Variants in CELSR3 observed in about 807,000 individuals in gnomAD.
CELSR3 encodes EGF-like protein 1.
Under a neutral mutation model 270.0 loss-of-function variants are expected in CELSR3, and 73 were observed. The observed-to-expected ratio is 0.27, with a 90% CI of 0.22 to 0.33. CELSR3 has a LOEUF of 0.33. Ranked by LOEUF, CELSR3 falls within the 10% of genes least tolerant of loss-of-function variation. The probability of loss-of-function intolerance (pLI) is 1.00; values close to 1 mark genes in which losing one functional copy is unlikely to be tolerated. For synonymous variants in CELSR3, 1,780 were observed against 1,905.4 expected, an observed-to-expected ratio of 0.93 and a Z score of 1.71; for missense variants, 3,614 against 4,533.8, an observed-to-expected ratio of 0.80 and a Z score of 5.83.
intron 34 of CELSR3, 26 bp from the exon 35 acceptor site, chr3:48,638,258 G>A: frequency 6.2e-7 from 1 of 1,603,572 alleles, no homozygotes; most frequent in Non-Finnish European, 8.5e-7. Context: ...GAAATCAGAG[G>A]TTGATGCCCA....
Position 48,643,081 on chromosome 3 carries a change from G to A in CELSR3, c.8292C>T (p.Gly2764=). ...YLHAGLCGLQ[G]LAVLLLFCVL... ...CACAGAAGAGCAGCAGCACCGCCAG[G>A]CCCTGTGGGTCAGCGAGGGTCAAAG... Residue 2764 remains glycine, a splice_region_variant and synonymous_variant, in exon 29 of 35, where the codon GGC becomes GGT. Transcript: ENST00000164024. The A allele has an allele frequency of 6.2e-7, 1 of 1,607,552 alleles. No individual in the cohort carries two copies. The highest frequency in any genetic ancestry group is 2.2e-5 in the East Asian group (1 of 44,850).
Position 48,659,167 on chromosome 3 carries a change from G to A in CELSR3, c.3468C>T (p.His1156=), listed in dbSNP as rs1029732820. ...SAPLVSRATV[H]VRLVDQNDNS... ...TGTCATTCTGGTCAACCAGGCGGAC[G>A]TGCACAGTGGCCCGGCTGACCAAAG... Residue 1156 remains histidine (H), a synonymous_variant, in exon 1 of 35, where the codon CAC becomes CAT. Transcript: ENST00000164024. This position sits in a 1 kb window ranked among gnomAD's most constrained non-coding sequence, Gnocchi z 8.1. 5.6e-6 allele frequency: 9 copies of A among 1,614,110 alleles called. No homozygotes were observed. The highest frequency in any genetic ancestry group is 1.6e-4 in the Middle Eastern group (1 of 6,084).
At position 48,639,783 on chromosome 3, in the gene CELSR3, A is replaced by G; in HGVS notation, c.9802T>C (p.Leu3268=). The change falls in exon 34 of 35, where the codon TTG becomes CTG. Residue 3268 remains leucine, a synonymous_variant. Coordinates refer to ENST00000164024, the MANE Select transcript of CELSR3 (RefSeq NM_001407.3). The surrounding 1 kb of genome is among the most constrained non-coding windows in gnomAD (Gnocchi z 4.1). ...LSSVQSSSTP[L]GPHTTATPSA... is the part of the protein sequence containing the mutation. ...GGTGTGGCAGTGGTGTGAGGGCCCA[A>G]GGGTGTGCTTGAAGATTGCACAGAG... 6.2e-7 allele frequency: 1 copy of G among 1,613,812 alleles called. No individual in the cohort carries two copies. Among genetic ancestry groups the G allele is most frequent in the African/African-American group, 1.3e-5 (1 of 75,034 alleles).
chr3:48,643,409 G>A (rs1386485015), intron 28 of CELSR3, 145 bp downstream of exon 28: 5 of 1,145,030 alleles, frequency 4.4e-6, no homozygotes, highest in African/African-American at 1.6e-5. Flanking sequence ...GCTAGGGCCA[G>A]TGTCTGGTCT....
rs769634502 is a variant in CELSR3, at chr3:48,645,811, C to G, written c.7521G>C (p.Gly2507=). ...GGCTGCAGCGACACCGTGCGTGGGA[C>G]CCATTCCTGTGCACCAGCTCGCAGT... is the stretch of plus-strand genomic sequence containing the variant. ...ARDCELVHRN[G]SHARCRCSRT... Residue 2507 remains glycine (G), a synonymous_variant, in exon 23 of 35, where the codon GGG becomes GGC. Coordinates refer to ENST00000164024, the MANE Select transcript of CELSR3 (RefSeq NM_001407.3). This position sits in a 1 kb window ranked among gnomAD's most constrained non-coding sequence, Gnocchi z 5.4. 3 of 1,611,528 alleles carry G rather than the reference C, an allele frequency of 1.9e-6. No homozygotes were observed. The African/African-American group carries it at 4.0e-5, about 22-fold the overall frequency.
rs1335070542 is a variant in CELSR3 at position 48,655,598 on chromosome 3, GC to G, written c.4741+137del. On this transcript the variant is annotated intron_variant, in intron 4 of 34. Transcript: ENST00000164024. This position sits in a 1 kb window ranked among gnomAD's most constrained non-coding sequence, Gnocchi z 5.8. Reference sequence around the variant, plus strand: ...GGGAGGGACCTTCCCACAGGGAATGGCCAAGGAGCTAGGTCTTCAGGGCTTG... The same window carrying G: ...GGGAGGGACCTTCCCACAGGGAATGGCAAGGAGCTAGGTCTTCAGGGCTTG... 286 of 896,104 alleles carry G rather than the reference GC, an allele frequency of 3.2e-4. No homozygotes were observed. Among genetic ancestry groups the G allele is most frequent in the Non-Finnish European group, 4.8e-4 (265 of 555,070 alleles). The allele number at this position is 896,104 out of a possible 1,614,324, so 55.5% of individuals were successfully genotyped here. A position where few individuals can be genotyped will look rare whatever the true frequency, so the allele number is the denominator to read the frequency against.
At position 48,645,690 on chromosome 3, in the gene CELSR3, C is replaced by A. The variant is rs555153123; in HGVS notation, c.7591-41G>T. Reference sequence around the variant, plus strand: ...TGGTTGATGGGTTGTTGGGCAGAATCCCCGTGTCCCTTTGACCCCCCACTT... The same window carrying A: ...TGGTTGATGGGTTGTTGGGCAGAATACCCGTGTCCCTTTGACCCCCCACTT... On this transcript the variant is annotated intron_variant, in intron 23 of 34. Coordinates refer to ENST00000164024, the MANE Select transcript of CELSR3 (RefSeq NM_001407.3). The surrounding 1 kb of genome is among the most constrained non-coding windows in gnomAD (Gnocchi z 5.4). The A allele has an allele frequency of 1.2e-6, 2 of 1,600,342 alleles. No individual in the cohort carries two copies. Among genetic ancestry groups the A allele is most frequent in the South Asian group, 1.1e-5 (1 of 90,558 alleles).
rs1389613370 is a variant in CELSR3, at chr3:48,640,558, G to T, written c.9027C>A (p.Gly3009=). The change falls in exon 34 of 35, where the codon GGC becomes GGA. Residue 3009 remains glycine, a splice_region_variant and synonymous_variant. Transcript: ENST00000164024. The surrounding 1 kb of genome is among the most constrained non-coding windows in gnomAD (Gnocchi z 7.5). ...GGTATTGCAACCGGTTCTTCAGGAT[G>T]CCTGTGAGAGGAAGAAAATGGGGGG... is the stretch of plus-strand genomic sequence containing the variant. ...SLGRAQRQRK[G]ILKNRLQYPL... The T allele has an allele frequency of 4.5e-6, 7 of 1,569,438 alleles. No individual in the cohort carries two copies. The highest frequency in any genetic ancestry group is 2.7e-5 in the African/African-American group (2 of 73,642).
At position 48,662,249 on chromosome 3, in the gene CELSR3, G is replaced by A; in HGVS notation, c.386C>T (p.Pro129Leu). The change falls in exon 1 of 35, where the codon CCA (proline) becomes CTA (leucine). Residue 129 changes from proline to leucine, a missense_variant. Pro to Leu is a moderately conservative substitution (Grantham distance 98, BLOSUM62 -3). Coordinates refer to ENST00000164024, the MANE Select transcript of CELSR3 (RefSeq NM_001407.3). The surrounding 1 kb of genome is among the most constrained non-coding windows in gnomAD (Gnocchi z 7.1). ...GSRERETGQG[P>L]GSVLYWRPEV... ...TGGGCGCCAGTATAACACAGACCCT[G>A]GTCCCTGTCCTGTCTCTCGTTCGCG... 1 of 1,613,122 alleles carries A rather than the reference G, an allele frequency of 6.2e-7. No homozygotes were observed.
Position 48,651,807 on chromosome 3 carries a change from T to TC in CELSR3, c.5923+69dup. 6.5e-7 allele frequency: 1 copy of TC among 1,543,794 alleles called. No individual in the cohort carries two copies. The highest frequency in any genetic ancestry group is 2.1e-5 in the Admixed American group (1 of 48,298). On this transcript the variant is annotated intron_variant, in intron 12 of 34. Transcript: ENST00000164024. This position sits in a 1 kb window ranked among gnomAD's most constrained non-coding sequence, Gnocchi z 7.4. ...TCCCGAGTCCCTGCCTCCTTCAGGTTCCCCAGTCTTCATCATGGGCCCCTA... is the reference window on the plus strand; with the variant it reads ...TCCCGAGTCCCTGCCTCCTTCAGGTTCCCCCAGTCTTCATCATGGGCCCCTA...
rs1422853760 is a variant in CELSR3, at chr3:48,644,209, A to G, written c.8165+7T>C. The G allele has an allele frequency of 6.2e-7, 1 of 1,602,818 alleles. No individual in the cohort carries two copies. The highest frequency in any genetic ancestry group is 1.7e-5 in the Admixed American group (1 of 59,720). On this transcript the variant is annotated splice_region_variant and intron_variant, in intron 27 of 34. Transcript: ENST00000164024. The surrounding 1 kb of genome is among the most constrained non-coding windows in gnomAD (Gnocchi z 4.8). ...AGAAGCCCCCTTCCTCCAGCCAGCCAACTCACAGTGCAGAGGTCTTCTTGG... is the reference window on the plus strand; with the variant it reads ...AGAAGCCCCCTTCCTCCAGCCAGCCGACTCACAGTGCAGAGGTCTTCTTGG...
rs775735466 is a variant in CELSR3, at chr3:48,660,104, A to G, written c.2531T>C (p.Val844Ala). 1 of 1,614,192 alleles carries G rather than the reference A, an allele frequency of 6.2e-7. No homozygotes were observed. The highest frequency in any genetic ancestry group is 1.3e-5 in the African/African-American group (1 of 75,042). Residue 844 changes from valine (V) to alanine (A), a missense_variant, in exon 1 of 35, where the codon GTG becomes GCG. Transcript: ENST00000164024. The surrounding 1 kb of genome is among the most constrained non-coding windows in gnomAD (Gnocchi z 5.5). ...SDRALHDHCY[V>A]HINITDANTH... is the part of the protein sequence containing the mutation. ...GTTGGCATCTGTGATGTTGATGTGCACATAGCAGTGATCATGAAGGGCACG... is the reference window on the plus strand; with the variant it reads ...GTTGGCATCTGTGATGTTGATGTGCGCATAGCAGTGATCATGAAGGGCACG...
rs1334467053 is a variant in CELSR3, at chr3:48,661,392, C to A, written c.1243G>T (p.Ala415Ser). Reference protein sequence around the residue: ...AQDHGSPRLSATTMVAVTVAD... With the variant: ...AQDHGSPRLSSTTMVAVTVAD... ...ACTGTCACGGCCACCATCGTGGTGG[C>A]CGAGAGGCGCGGCGACCCGTGGTCC... Residue 415 changes from alanine to serine, a missense_variant, in exon 1 of 35, where the codon GCC becomes TCC. Ala to Ser is a moderately conservative substitution (Grantham distance 99). This residue lies in a region of CELSR3 where 354 missense variants were observed against 500.9 expected (regional missense o/e 0.71). Transcript: ENST00000164024. 1 of 1,612,424 alleles carries A rather than the reference C, an allele frequency of 6.2e-7. No homozygotes were observed. The highest frequency in any genetic ancestry group is 8.5e-7 in the Non-Finnish European group (1 of 1,179,810).
Position 48,652,044 on chromosome 3 carries a change from A to AC in CELSR3, c.5755dup (p.Val1919GlyfsTer91). The AC allele has an allele frequency of 1.3e-6, 2 of 1,544,814 alleles. No homozygotes were observed. The highest frequency in any genetic ancestry group is 1.7e-6 in the Non-Finnish European group (2 of 1,150,434). ...GCCAGAGGGTGTGGAGCCGAGCCACACCCCCTGTGGACACACAGCCAGCAA... is the reference window on the plus strand; with the variant it reads ...GCCAGAGGGTGTGGAGCCGAGCCACACCCCCCTGTGGACACACAGCCAGCAA... On this transcript the variant is annotated frameshift_variant, in exon 12 of 35. Transcript: ENST00000164024. LOFTEE classifies it high-confidence loss of function. The surrounding 1 kb of genome is among the most constrained non-coding windows in gnomAD (Gnocchi z 4.3).
At position 48,642,196 on chromosome 3, in the gene CELSR3, C is replaced by A; in HGVS notation, c.8665+162G>T. 1.1e-6 allele frequency: 1 copy of A among 887,084 alleles called. No homozygotes were observed. The highest frequency in any genetic ancestry group is 1.7e-6 in the Non-Finnish European group (1 of 596,846). 55.0% of individuals were successfully genotyped at this position (887,084 alleles called of 1,614,324 possible). On this transcript the variant is annotated intron_variant, in intron 31 of 34. Coordinates refer to ENST00000164024, the MANE Select transcript of CELSR3 (RefSeq NM_001407.3). The surrounding 1 kb of genome is among the most constrained non-coding windows in gnomAD (Gnocchi z 6.1). Reference sequence around the variant, plus strand: ...GAGGGAAGGACGAATCAGGAGTGGACTGGGAGAACCAGGGCTGGAGAGGTA... The same window carrying A: ...GAGGGAAGGACGAATCAGGAGTGGAATGGGAGAACCAGGGCTGGAGAGGTA...
intron 34 of CELSR3, among the ~76,000 whole-genome samples, chr3:48,638,532 T>C (rs1368095018): frequency 2.0e-5 from 3 of 152,146 alleles, no homozygotes; most frequent in Non-Finnish European, 2.9e-5. Flanking sequence ...TTTCCACATC[T>C]CAAAGAGTTT....
rs1319778337 is a variant in CELSR3, at chr3:48,647,737, T to C, written c.7129+104A>G. ...GGGGAGATGTGGGAGGGTCTGACACTGGGGAGGTCTAGAAAGGGGAAAATT... is the reference window on the plus strand; with the variant it reads ...GGGGAGATGTGGGAGGGTCTGACACCGGGGAGGTCTAGAAAGGGGAAAATT... On this transcript the variant is annotated intron_variant, in intron 20 of 34. Transcript: ENST00000164024. 2.7e-6 allele frequency: 3 copies of C among 1,109,340 alleles called. No individual in the cohort carries two copies. The East Asian group carries it at 7.2e-5, about 27-fold the overall frequency. The allele number at this position is 1,109,340 out of a possible 1,614,324, so 68.7% of individuals were successfully genotyped here. A position where few individuals can be genotyped will look rare whatever the true frequency, so the allele number is the denominator to read the frequency against.
In CELSR3 at chr3:48,646,676, G is replaced by C; in HGVS notation, c.7295+87C>G. ...CCTGGAGCTGTGCTCCTCTCTGTGT[G>C]TTGTGAACCTACGCATCTACCCACC... On this transcript the variant is annotated intron_variant, in intron 21 of 34. Coordinates refer to ENST00000164024, the MANE Select transcript of CELSR3 (RefSeq NM_001407.3). The surrounding 1 kb of genome is among the most constrained non-coding windows in gnomAD (Gnocchi z 4.8). 1 of 1,342,480 alleles carries C rather than the reference G, an allele frequency of 7.4e-7. No homozygotes were observed. The highest frequency in any genetic ancestry group is 1.0e-6 in the Non-Finnish European group (1 of 972,388). The allele number at this position is 1,342,480 out of a possible 1,614,324, so 83.2% of individuals were successfully genotyped here. A position where few individuals can be genotyped will look rare whatever the true frequency, so the allele number is the denominator to read the frequency against.
At position 48,658,770 on chromosome 3, in the gene CELSR3, C is replaced by T. The variant is rs990113285; in HGVS notation, c.3748+117G>A. 4 of 1,281,824 alleles carry T rather than the reference C, an allele frequency of 3.1e-6. No homozygotes were observed. The highest frequency in any genetic ancestry group is 3.3e-6 in the Non-Finnish European group (3 of 922,640). 79.4% of individuals were successfully genotyped at this position (1,281,824 alleles called of 1,614,324 possible). ...ATCTTGTAGGGTGCAGGAACCCTAC[C>T]CTTAAGGGGTTCTTGGAAGGCTTAG... On this transcript the variant is annotated intron_variant, in intron 1 of 34. Transcript: ENST00000164024. The surrounding 1 kb of genome is among the most constrained non-coding windows in gnomAD (Gnocchi z 4.7).
Sources: gnomAD v4.1 joint callset for allele counts (sites outside exome capture counted in the v4.1 genomes callset) on GRCh38, gnomAD v4.1.1 for gene constraint, gnomAD v4.1.1 regional missense constraint, Gnocchi (gnomAD v3.1) non-coding constraint, MANE v1.5 for transcripts, NCBI Gene and HGNC (gene_info 2026-07-23, HGNC 2026-07-21) for gene names.